FTO: variants seen among roughly 807,000 people sequenced by gnomAD.
FTO encodes alpha-ketoglutarate-dependent dioxygenase FTO.
FTO carries 47 observed loss-of-function variants against 63.9 expected under a neutral mutation model. That is an observed-to-expected ratio of 0.74 (90% CI 0.58 to 0.94). The LOEUF is 0.94. FTO is among the 40% of genes least tolerant of loss of function. FTO has a pLI of 0.00. For missense variants in FTO, 562 were observed against 618.1 expected (o/e 0.91, Z 0.96); for synonymous variants, 207 against 224.4 (o/e 0.92, Z 0.69).
intron 8 of FTO, among the ~76,000 whole-genome samples, chr16:54,106,673 A>G (rs1183252894): frequency 7.3e-6 from 1 of 137,244 alleles, no homozygotes; most frequent in Non-Finnish European, 1.5e-5. Flanking sequence ...ATATTATATA[A>G]TAAATATATA....
chr16:53,823,045 C>G (rs1264475942), intron 2 of FTO, among the ~76,000 whole-genome samples: 1 of 152,198 alleles, frequency 6.6e-6, no homozygotes, highest in Non-Finnish European at 1.5e-5. Flanking sequence ...CATAGCAGAA[C>G]CATTCAGAGA....
At chr16:53,817,826 CA>C (rs559469179) in intron 2 of FTO, among the ~76,000 whole-genome samples, 218 of 152,300 alleles carry the variant, frequency 1.4e-3, no homozygotes, top group African/African-American at 5.0e-3. Context: ...AAAGGCCTGG[CA>C]TGCTGGCATT....
intron 7 of FTO, among the ~76,000 whole-genome samples, chr16:53,921,376 C>T (rs1398490726): frequency 6.6e-6 from 1 of 152,200 alleles, no homozygotes; most frequent in Non-Finnish European, 1.5e-5. Flanking sequence ...TAACTTTTCA[C>T]TTGTCCAAGG....
At chr16:53,711,149 T>C (rs2151465151) in intron 1 of FTO, among the ~76,000 whole-genome samples, 1 of 152,108 alleles carries the variant, frequency 6.6e-6, no homozygotes, top group African/African-American at 2.4e-5. Context: ...CCCCAGTAGA[T>C]ATATATTCTG....
At chr16:53,741,355 T>C (rs1175611726) in intron 1 of FTO, among the ~76,000 whole-genome samples, 1 of 152,222 alleles carries the variant, frequency 6.6e-6, no homozygotes, top group Non-Finnish European at 1.5e-5. Flanking sequence ...TGTGCTTTTG[T>C]AATTTACCCT....
chr16:53,737,881 T>G (rs1333538293), intron 1 of FTO, among the ~76,000 whole-genome samples: 1 of 152,214 alleles, frequency 6.6e-6, no homozygotes, highest in Non-Finnish European at 1.5e-5. Flanking sequence ...GTGTGGTCTT[T>G]GTGACTGGCT....
intron 8 of FTO, among the ~76,000 whole-genome samples, chr16:54,088,733 A>G (rs894530255): frequency 4.6e-5 from 7 of 152,184 alleles, no homozygotes; most frequent in African/African-American, 1.2e-4. Context: ...CATTATGGCA[A>G]GTTTCTTGTT....
intron 2 of FTO, among the ~76,000 whole-genome samples, chr16:53,814,194 A>G (rs533912778): frequency 1.3e-5 from 2 of 152,284 alleles, no homozygotes; most frequent in East Asian, 1.9e-4. Context: ...AAACCAAACC[A>G]CCAAGGGTCA....
At chr16:54,015,521 C>T (rs1168176971) in intron 8 of FTO, among the ~76,000 whole-genome samples, 3 of 151,896 alleles carry the variant, frequency 2.0e-5, no homozygotes, top group Non-Finnish European at 2.9e-5. Context: ...CACAAATGCC[C>T]ATGGCACAAA....
intron 1 of FTO, among the ~76,000 whole-genome samples, chr16:53,808,228 C>T (rs1273212953): frequency 2.0e-5 from 3 of 151,622 alleles, no homozygotes; most frequent in Non-Finnish European, 4.4e-5. Context: ...CAGCTACTTG[C>T]GAGGCTGAGT....
chr16:54,001,083 T>C (rs1397975875), intron 8 of FTO, among the ~76,000 whole-genome samples: 2 of 152,238 alleles, frequency 1.3e-5, no homozygotes, highest in African/African-American at 4.8e-5. Flanking sequence ...ATTTAATTAC[T>C]GAATTCTGGG....
intron 6 of FTO, among the ~76,000 whole-genome samples, chr16:53,884,765 C>G (rs1021214236): frequency 6.6e-6 from 1 of 152,188 alleles, no homozygotes; most frequent in African/African-American, 2.4e-5. Flanking sequence ...TGGGTTGATT[C>G]CATTTCTTTC....
intron 8 of FTO, among the ~76,000 whole-genome samples, chr16:53,943,227 A>G (rs954836290): frequency 1.4e-4 from 22 of 152,352 alleles, no homozygotes; most frequent in African/African-American, 5.3e-4. Flanking sequence ...AGATAGGGTT[A>G]CTTTTTTCCC....
intron 8 of FTO, among the ~76,000 whole-genome samples, chr16:54,088,977 A>G (rs370535020): frequency 2.0e-5 from 3 of 152,364 alleles, no homozygotes; most frequent in Admixed American, 6.5e-5. Flanking sequence ...TAAATCTCTT[A>G]CAAATCCAAT....
chr16:53,780,032 G>A (rs1158655104), intron 1 of FTO, among the ~76,000 whole-genome samples: 1 of 152,116 alleles, frequency 6.6e-6, no homozygotes, highest in East Asian at 1.9e-4. Flanking sequence ...GACATAAGTT[G>A]GATTTATTTT....
intron 8 of FTO, among the ~76,000 whole-genome samples, chr16:54,018,914 C>G (rs2084524544): frequency 6.6e-6 from 1 of 152,172 alleles, no homozygotes; most frequent in East Asian, 1.9e-4. Context: ...TACCCTGACT[C>G]AAATTACTGT....
At chr16:54,040,069 C>G (rs561475988) in intron 8 of FTO, 1 of 152,294 alleles carries the variant, frequency 6.6e-6, no homozygotes, top group Admixed American at 6.5e-5. Flanking sequence ...AACCTCGATT[C>G]AAATCAAAGT....
intron 8 of FTO, among the ~76,000 whole-genome samples, chr16:53,977,885 G>T (rs1205250358): frequency 6.8e-6 from 1 of 146,798 alleles, no homozygotes; most frequent in Non-Finnish European, 1.5e-5. Context: ...TATAGACAGG[G>T]TCTTGCTTTG....
At chr16:53,781,852 G>C (rs753729224) in intron 1 of FTO, among the ~76,000 whole-genome samples, 2 of 152,078 alleles carry the variant, frequency 1.3e-5, no homozygotes, top group Non-Finnish European at 2.9e-5. Context: ...AAAAAATATA[G>C]GTTTTGGAGA....
Sources: allele counts gnomAD v4.1 joint callset (sites outside exome capture counted in the v4.1 genomes callset), GRCh38; gene constraint gnomAD v4.1.1; transcripts MANE v1.5; gene names NCBI Gene and HGNC (gene_info 2026-07-23, HGNC 2026-07-21).